The following EPB41L1 variants were observed in gnomAD, a reference collection of about 807,000 sequenced individuals.
EPB41L1 encodes the protein erythrocyte membrane protein band 4.1 like 1, also known as band 4.1-like protein 1.
In EPB41L1, 29 loss-of-function variants were observed where a neutral mutation model predicts 97.8. The observed-to-expected ratio is 0.30, with a 90% CI of 0.22 to 0.40. The LOEUF (loss-of-function observed/expected upper bound fraction) is 0.40, where lower values mean the gene tolerates loss of function less well. Among genes scored for constraint, EPB41L1 ranks in the 10% least tolerant of loss-of-function variants. The pLI is 1.00. For synonymous variants in EPB41L1, 383 were observed against 459.2 expected (o/e 0.83, Z 2.12); for missense variants, 812 against 1,162.3 (o/e 0.70, Z 4.38).
At position 36,194,328 on chromosome 20, in the gene EPB41L1, G is replaced by T. The variant is rs763837659; in HGVS notation, c.1417G>T (p.Val473Phe). Reference sequence around the variant, plus strand: ...ACGGTCAGAGGCTGAGGAGGGAGAGGTCAGGACTCCAACCAAGATCAAGGA... The same window carrying T: ...ACGGTCAGAGGCTGAGGAGGGAGAGTTCAGGACTCCAACCAAGATCAAGGA... ...GQRSEAEEGE[V>F]RTPTKIKELK... The change falls in exon 12 of 22, where the codon GTC becomes TTC. Residue 473 changes from valine (V) to phenylalanine (F), a missense_variant. This residue lies in a region of EPB41L1 where 498 missense variants were observed against 622.7 expected (regional missense o/e 0.80). Transcript: ENST00000338074. The T allele has an allele frequency of 6.2e-7, 1 of 1,613,786 alleles. No individual in the cohort carries two copies. The highest frequency in any genetic ancestry group is 2.2e-5 in the East Asian group (1 of 44,862).
intron 2 of EPB41L1, among the ~76,000 whole-genome samples, chr20:36,143,927 A>G (rs1203657054): frequency 6.6e-6 from 1 of 151,244 alleles, no homozygotes; most frequent in Non-Finnish European, 1.5e-5. Context: ...ATTTTGGCTC[A>G]CTGCAACCTC....
chr20:36,219,901 G>T, intron 19 of EPB41L1, 57 bp downstream of exon 19: 1 of 1,478,320 alleles, frequency 6.8e-7, no homozygotes, highest in African/African-American at 1.4e-5. Context: ...AGAAGGTCAT[G>T]ACTGTTGTTC....
chr20:36,130,752 A>ATT (rs2059164096), intron 2 of EPB41L1, among the ~76,000 whole-genome samples: 1 of 138,588 alleles, frequency 7.2e-6, no homozygotes, highest in African/African-American at 2.8e-5. Flanking sequence ...ACTGTTTTTT[A>ATT]TTTTTCTCTC....
intron 1 of EPB41L1, among the ~76,000 whole-genome samples, chr20:36,164,272 T>TAACA (rs766312081): frequency 3.9e-5 from 6 of 152,214 alleles, no homozygotes. Flanking sequence ...ACATGGAGAC[T>TAACA]AACAACCCAA....
chr20:36,189,248 A>G (rs766313765), intron 9 of EPB41L1, among the ~76,000 whole-genome samples: 26 of 152,048 alleles, frequency 1.7e-4, no homozygotes, highest in Non-Finnish European at 3.7e-4. Flanking sequence ...GGTGCTCTCC[A>G]GGTCATTTTC....
At chr20:36,135,715 T>C (rs2059392592) in intron 2 of EPB41L1, among the ~76,000 whole-genome samples, 1 of 152,216 alleles carries the variant, frequency 6.6e-6, no homozygotes, top group Non-Finnish European at 1.5e-5. Flanking sequence ...CACAAGCTGC[T>C]CTTCTGCCTG....
chr20:36,110,546 ACACT>A (rs1446194623), intron 1 of EPB41L1, among the ~76,000 whole-genome samples: 1 of 151,734 alleles, frequency 6.6e-6, no homozygotes, highest in Non-Finnish European at 1.5e-5. Flanking sequence ...ACACACACAC[ACACT>A]CACACCCATT....
At chr20:36,199,883 G>C in intron 14 of EPB41L1, among the ~76,000 whole-genome samples, 1 of 152,212 alleles carries the variant, frequency 6.6e-6, no homozygotes, top group South Asian at 2.1e-4. Flanking sequence ...GACCTCTGGA[G>C]TGTCTCAGTG....
chr20:36,175,716 G>T lies in EPB41L1; in HGVS notation c.342+1G>T. ...CTCGGAGTATGAGTGTGAGGTGGAG[G>T]TAGGGGAGCACTGAGTGCCATATGT... On this transcript the variant is annotated splice_donor_variant, in intron 3 of 21. Transcript: ENST00000338074. LOFTEE classifies it high-confidence loss of function. 6.2e-7 allele frequency: 1 copy of T among 1,613,936 alleles called. No homozygotes were observed.
intron 8 of EPB41L1, 36 bp downstream of exon 8, chr20:36,187,799 G>A (rs201839622): frequency 1.9e-6 from 3 of 1,591,332 alleles, no homozygotes; most frequent in African/African-American, 1.3e-5. Flanking sequence ...TAGTGTCTGG[G>A]TGGTGCCCCC....
Position 36,111,273 on chromosome 20 carries a change from A to G in EPB41L1, c.-64-1153A>G, listed in dbSNP as rs118034098. Among the ~76,000 whole-genome samples, 11 of 152,270 alleles carry G rather than the reference A, an allele frequency of 7.2e-5. No individual in the cohort carries two copies. The East Asian group carries it at 2.1e-3, about 29-fold the overall frequency. On this transcript the variant is annotated intron_variant, in intron 1 of 19. Transcript: ENST00000202028. Reference sequence around the variant, plus strand: ...AAACCACTGTGTGTTCTTCCTGTTCACCTGAGTTTCACATTTTACATGAAG... The same window carrying G: ...AAACCACTGTGTGTTCTTCCTGTTCGCCTGAGTTTCACATTTTACATGAAG...
intron 2 of EPB41L1, among the ~76,000 whole-genome samples, chr20:36,146,613 G>C (rs773603902): frequency 6.6e-6 from 1 of 152,218 alleles, no homozygotes; most frequent in East Asian, 1.9e-4. Context: ...TGGTCTAGCC[G>C]TCTGGTCCCT....
chr20:36,178,717 TC>T, intron 5 of EPB41L1, 45 bp downstream of exon 5: 1 of 1,604,682 alleles, frequency 6.2e-7, no homozygotes, highest in Non-Finnish European at 8.5e-7. Flanking sequence ...GTGAGGGGAT[TC>T]CAGGCCATGA....
intron 1 of EPB41L1, among the ~76,000 whole-genome samples, chr20:36,103,704 C>CTTTTTTTTTT (rs398038437): frequency 3.7e-5 from 5 of 135,752 alleles, no homozygotes; most frequent in African/African-American, 5.5e-5. Context: ...CTTTTTCTTT[C>CTTTTTTTTTT]TTTTTTTTTT....
In EPB41L1 at chr20:36,198,083, A is replaced by G. The variant is rs372543672; in HGVS notation, c.1668+42A>G. On this transcript the variant is annotated intron_variant, in intron 14 of 21. Transcript: ENST00000338074. ...ACCCCTCGATAGGGGCCTTGGGTAA[A>G]GAGACATTGGGTTGCTGCATCCTGA... The G allele has an allele frequency of 2.7e-5, 42 of 1,577,406 alleles. No individual in the cohort carries two copies. In the African/African-American group the frequency reaches 5.0e-4, roughly 19 times the overall value.
At chr20:36,113,672 C>T (rs1569037699) in intron 2 of EPB41L1, 1 of 152,542 alleles carries the variant, frequency 6.6e-6, no homozygotes, top group Non-Finnish European at 1.5e-5. Flanking sequence ...GCATCGGGAA[C>T]AAGGAATCCT....
Position 36,190,790 on chromosome 20 carries a change from T to G in EPB41L1, c.1293T>G (p.Leu431=), listed in dbSNP as rs1175862394. ...AACGGTACACCATGTCCCGCAGCCT[T>G]GATGGAGGTATGGCCCAAATTGGAG... ...SSKRYTMSRS[L]DGAEFSRPAS... is the part of the protein sequence containing the mutation. The change falls in exon 11 of 22, where the codon CTT becomes CTG. Residue 431 remains leucine, a synonymous_variant. Transcript: ENST00000338074. The surrounding 1 kb of genome is among the most constrained non-coding windows in gnomAD (Gnocchi z 5.8). The G allele has an allele frequency of 6.2e-7, 1 of 1,613,844 alleles. No individual in the cohort carries two copies. Among genetic ancestry groups the G allele is most frequent in the South Asian group, 1.1e-5 (1 of 91,066 alleles).
At chr20:36,096,551 G>A (rs2057838319) in intron 1 of EPB41L1, among the ~76,000 whole-genome samples, 1 of 152,016 alleles carries the variant, frequency 6.6e-6, no homozygotes, top group East Asian at 1.9e-4. Context: ...CCTTTGTCTA[G>A]CACACTCTTC....
chr20:36,100,970 G>A (rs940447813), intron 1 of EPB41L1, among the ~76,000 whole-genome samples: 1 of 152,144 alleles, frequency 6.6e-6, no homozygotes, highest in Non-Finnish European at 1.5e-5. Flanking sequence ...TCGGTATGGG[G>A]GGTGGTGACA....
Sources: gnomAD v4.1 joint callset for allele counts (sites outside exome capture counted in the v4.1 genomes callset) on GRCh38, gnomAD v4.1.1 for gene constraint, gnomAD v4.1.1 regional missense constraint, Gnocchi (gnomAD v3.1) non-coding constraint, MANE v1.5 for transcripts, NCBI Gene and HGNC (gene_info 2026-07-23, HGNC 2026-07-21) for gene names.